EPHA5: variants seen among roughly 807,000 people sequenced by gnomAD.
EPHA5 encodes EPH receptor A5, also known as ephrin type-A receptor 5.
EPHA5 carries 60 observed loss-of-function variants against 105.0 expected under a neutral mutation model. The observed-to-expected ratio is 0.57, with a 90% CI of 0.46 to 0.71. The LOEUF (loss-of-function observed/expected upper bound fraction) is 0.71, where lower values mean the gene tolerates loss of function less well. EPHA5 is among the 30% of genes least tolerant of loss of function. The pLI is 0.00. For missense variants in EPHA5, 1,218 were observed against 1,274.7 expected, an observed-to-expected ratio of 0.96 and a Z score of 0.68; for synonymous variants, 513 against 449.1, an observed-to-expected ratio of 1.14 and a Z score of -1.80.
chr4:65,468,319 C>T (rs1728915805), intron 5 of EPHA5, among the ~76,000 whole-genome samples: 1 of 151,314 alleles, frequency 6.6e-6, no homozygotes, highest in Non-Finnish European at 1.5e-5. Context: ...CATAGCCAAG[C>T]ATGCTTTTGG....
At chr4:65,467,557 G>C (rs2149149489) in intron 5 of EPHA5, among the ~76,000 whole-genome samples, 1 of 152,252 alleles carries the variant, frequency 6.6e-6, no homozygotes, top group East Asian at 1.9e-4. Flanking sequence ...AAGACCATAA[G>C]GAGAAAAATT....
intron 5 of EPHA5, among the ~76,000 whole-genome samples, chr4:65,463,743 A>G (rs531746461): frequency 6.6e-6 from 1 of 152,110 alleles, no homozygotes; most frequent in Non-Finnish European, 1.5e-5. Flanking sequence ...CTTGTCATGT[A>G]GTTATTTTTT....
At chr4:65,587,168 A>G (rs1345884553) in intron 3 of EPHA5, among the ~76,000 whole-genome samples, 1 of 152,122 alleles carries the variant, frequency 6.6e-6, no homozygotes, top group Non-Finnish European at 1.5e-5. Context: ...TAATTTCGGA[A>G]TTGGTGGGGA....
chr4:65,472,357 C>A (rs1729369509), intron 5 of EPHA5, among the ~76,000 whole-genome samples: 2 of 152,146 alleles, frequency 1.3e-5, no homozygotes, highest in South Asian at 2.1e-4. Context: ...ATCTACCATT[C>A]TGGGGTCTGA....
intron 13 of EPHA5, among the ~76,000 whole-genome samples, chr4:65,349,845 G>T (rs1334223228): frequency 6.6e-6 from 1 of 152,040 alleles, no homozygotes; most frequent in Non-Finnish European, 1.5e-5. Context: ...TTTTAGAATT[G>T]TCATTTGTTG....
intron 8 of EPHA5, among the ~76,000 whole-genome samples, chr4:65,400,027 A>T (rs1240673353): frequency 1.3e-5 from 2 of 152,216 alleles, no homozygotes; most frequent in African/African-American, 4.8e-5. Context: ...TAAATAAAAA[A>T]GTCAATTTTA....
chr4:65,397,177 G>A (rs944424512), intron 8 of EPHA5, among the ~76,000 whole-genome samples: 7 of 152,188 alleles, frequency 4.6e-5, no homozygotes, highest in South Asian at 2.1e-4. Flanking sequence ...CAGCAGGACT[G>A]ATGGGCCCTG....
chr4:65,554,029 T>A (rs1376419332), intron 3 of EPHA5, among the ~76,000 whole-genome samples: 1 of 151,832 alleles, frequency 6.6e-6, no homozygotes, highest in Non-Finnish European at 1.5e-5. Flanking sequence ...CAAAATATAT[T>A]GTCTCTGGTA....
chr4:65,363,497 C>T (rs897491226), intron 11 of EPHA5, among the ~76,000 whole-genome samples: 27 of 151,552 alleles, frequency 1.8e-4, no homozygotes, highest in African/African-American at 6.5e-4. Context: ...CTAAATATTA[C>T]ATCTTAACTC....
intron 2 of EPHA5, among the ~76,000 whole-genome samples, chr4:65,635,434 CA>C (rs1231465313): frequency 1.3e-5 from 2 of 151,938 alleles, no homozygotes; most frequent in African/African-American, 2.4e-5. Flanking sequence ...GAAAATAGAG[CA>C]AAAATCAAAG....
Position 65,414,406 on chromosome 4 carries a change from T to A in EPHA5, c.1565A>T (p.Glu522Val), listed in dbSNP as rs772150635. 6.2e-7 allele frequency: 1 copy of A among 1,613,992 alleles called. No individual in the cohort carries two copies. The highest frequency in any genetic ancestry group is 1.1e-5 in the South Asian group (1 of 91,076). The change falls in exon 7 of 17, where the codon GAG becomes GTG. Residue 522 changes from glutamate (E) to valine (V), a missense_variant. Coordinates refer to ENST00000613740, the MANE Select transcript of EPHA5 (RefSeq NM_001281766.3). ...ETSYTIIKSK[E>V]TTITAEGLKP... is the part of the protein sequence containing the mutation. ...CAAGCCCTCTGCAGTAATAGTTGTC[T>A]CTTTAGATTTGATAATCGTGTAGCT...
Position 65,543,763 on chromosome 4 carries a change from C to T in EPHA5, c.911-48220G>A, listed in dbSNP as rs530217605. The stretch of plus-strand genomic sequence containing the variant: ...TGGAACAAAAAAGAGCCTACATAGC[C>T]AAGGCAATCCTGAGCAAAAAGTACA... On this transcript the variant is annotated intron_variant, in intron 3 of 16. Transcript: ENST00000613740. 2.0e-4 allele frequency among the ~76,000 whole-genome samples: 31 copies of T among 152,010 alleles called. No individual in the cohort carries two copies. The East Asian group carries it at 5.8e-3, about 28-fold the overall frequency.
At chr4:65,361,916 G>T (rs1717365906) in intron 11 of EPHA5, among the ~76,000 whole-genome samples, 1 of 151,414 alleles carries the variant, frequency 6.6e-6, no homozygotes, top group African/African-American at 2.4e-5. Context: ...AAATCTTCAG[G>T]AACTAAGGAT....
chr4:65,490,434 C>A lies in EPHA5; in HGVS notation c.1345G>T (p.Asp449Tyr). ...TACTGCCGGGCTCCTGGGCTCAAGT[C>A]GGACACTCCATTCACTGCCTCAATC... ...FEIEAVNGVS[D>Y]LSPGARQYVS... Residue 449 changes from aspartate (D) to tyrosine (Y), a missense_variant, in exon 5 of 17, where the codon GAC becomes TAC. Asp to Tyr is a radical substitution (Grantham distance 160). Transcript: ENST00000613740. 2 of 1,614,088 alleles carry A rather than the reference C, an allele frequency of 1.2e-6. No individual in the cohort carries two copies. The highest frequency in any genetic ancestry group is 1.3e-5 in the African/African-American group (1 of 75,018).
chr4:65,380,582 A>C (rs1719456758), intron 8 of EPHA5, among the ~76,000 whole-genome samples: 1 of 151,824 alleles, frequency 6.6e-6, no homozygotes, highest in Admixed American at 6.6e-5. Flanking sequence ...TAATAAAAAC[A>C]CTAAGATGTC....
At chr4:65,661,156 C>G (rs964195635) in intron 1 of EPHA5, among the ~76,000 whole-genome samples, 2 of 152,030 alleles carry the variant, frequency 1.3e-5, no homozygotes, top group Non-Finnish European at 2.9e-5. Flanking sequence ...TATATAAGGG[C>G]CAAATAATTT....
At chr4:65,481,296 C>T (rs969928623) in intron 5 of EPHA5, among the ~76,000 whole-genome samples, 29 of 152,116 alleles carry the variant, frequency 1.9e-4, no homozygotes. Flanking sequence ...AGTCTTTTTC[C>T]ATGAATTCCT....
intron 3 of EPHA5, among the ~76,000 whole-genome samples, chr4:65,525,929 G>A (rs561159264): frequency 6.6e-6 from 1 of 151,608 alleles, no homozygotes; most frequent in African/African-American, 2.4e-5. Flanking sequence ...ATTATAAAGA[G>A]ATGAACATTT....
intron 16 of EPHA5, chr4:65,331,222 A>AC: frequency 9.7e-7 from 1 of 1,029,328 alleles, no homozygotes; most frequent in Non-Finnish European, 1.2e-6. Flanking sequence ...AGATGGAACC[A>AC]CCATAAAGAC....
Sources: gnomAD v4.1 joint callset for allele counts (sites outside exome capture counted in the v4.1 genomes callset) on GRCh38, gnomAD v4.1.1 for gene constraint, MANE v1.5 for transcripts, NCBI Gene and HGNC (gene_info 2026-07-23, HGNC 2026-07-21) for gene names.